Variants in SBF2 observed in about 807,000 individuals in gnomAD.
The protein encoded by SBF2 is myotubularin-related protein 13.
Under a neutral mutation model 225.2 loss-of-function variants are expected in SBF2, and 112 were observed. The observed-to-expected ratio is 0.50, with a 90% CI of 0.43 to 0.58. SBF2 has a LOEUF of 0.58. Among genes scored for constraint, SBF2 ranks in the 20% least tolerant of loss-of-function variants. The pLI, the probability that SBF2 is intolerant of heterozygous loss-of-function variation, is 0.00. For missense variants in SBF2, 1,996 were observed against 2,206.2 expected (o/e 0.90, Z 1.91); for synonymous variants, 763 against 773.3 (o/e 0.99, Z 0.22).
In SBF2 at chr11:9,822,493, C is replaced by CACG. The variant is rs1253511220; in HGVS notation, c.3794-5472_3794-5470dup. ...GCCAGGATGGTCTCGATCTCCTGAC[C>CACG]ACGTGATCCGCCCGCCTCGGCCTCC... On this transcript the variant is annotated intron_variant, in intron 28 of 39. Coordinates refer to ENST00000256190, the MANE Select transcript of SBF2 (RefSeq NM_030962.4). 4.6e-5 allele frequency among the ~76,000 whole-genome samples: 7 copies of CACG among 152,222 alleles called. No individual in the cohort carries two copies. In the East Asian group the frequency reaches 1.4e-3, roughly 30 times the overall value.
chr11:10,032,291 A>AT (rs1297256825), intron 3 of SBF2, among the ~76,000 whole-genome samples: 1 of 152,052 alleles, frequency 6.6e-6, no homozygotes, highest in African/African-American at 2.4e-5. Context: ...CTGTCAACAA[A>AT]CCCTGATTTC....
intron 2 of SBF2, among the ~76,000 whole-genome samples, chr11:10,105,815 C>G (rs985799977): frequency 6.6e-6 from 1 of 152,126 alleles, no homozygotes; most frequent in African/African-American, 2.4e-5. Context: ...GATTCTATAG[C>G]TATATCAAAC....
chr11:9,825,750 C>T (rs151201240), intron 28 of SBF2, among the ~76,000 whole-genome samples: 15 of 152,214 alleles, frequency 9.9e-5, no homozygotes, highest in African/African-American at 1.7e-4. Context: ...AGCACTGATT[C>T]GTATAATAAG....
intron 29 of SBF2, among the ~76,000 whole-genome samples, chr11:9,814,663 G>A (rs540592420): frequency 1.3e-5 from 2 of 152,256 alleles, no homozygotes; most frequent in South Asian, 2.1e-4. Flanking sequence ...TAAGGCTTCA[G>A]ATAAATAACC....
chr11:9,855,521 TAAG>T (rs1274437964), intron 19 of SBF2, among the ~76,000 whole-genome samples: 1 of 152,196 alleles, frequency 6.6e-6, no homozygotes, highest in Non-Finnish European at 1.5e-5. Flanking sequence ...ACTGAAGCTC[TAAG>T]GATAGAATTT....
At chr11:9,984,113 T>C (rs1465041829) in intron 13 of SBF2, among the ~76,000 whole-genome samples, 2 of 152,170 alleles carry the variant, frequency 1.3e-5, no homozygotes, top group Non-Finnish European at 2.9e-5. Context: ...CTCAGGAGGT[T>C]AGTTACTAAG....
chr11:9,979,541 C>T (rs2134426557), intron 13 of SBF2, among the ~76,000 whole-genome samples: 1 of 152,238 alleles, frequency 6.6e-6, no homozygotes, highest in South Asian at 2.1e-4. Flanking sequence ...TTTTAGTATA[C>T]TAATCAGGAA....
intron 1 of SBF2, among the ~76,000 whole-genome samples, chr11:10,245,133 CAAAAA>C (rs60827616): frequency 2.2e-5 from 2 of 92,528 alleles, no homozygotes; most frequent in African/African-American, 4.2e-5. Context: ...GACCCTGTCT[CAAAAA>C]AAAAAAAAAA....
At chr11:10,086,703 C>T (rs929539035) in intron 2 of SBF2, among the ~76,000 whole-genome samples, 1 of 152,164 alleles carries the variant, frequency 6.6e-6, no homozygotes, top group Admixed American at 6.5e-5. Flanking sequence ...GTTGAGGACA[C>T]TGCAGAGATA....
chr11:10,094,519 T>A (rs1026218266), intron 2 of SBF2, among the ~76,000 whole-genome samples: 7 of 146,910 alleles, frequency 4.8e-5, no homozygotes, highest in African/African-American at 1.7e-4. Context: ...CTACTACAAA[T>A]ACACACAGAT....
chr11:9,986,616 A>G (rs1044127827), intron 13 of SBF2, among the ~76,000 whole-genome samples: 5 of 152,160 alleles, frequency 3.3e-5, no homozygotes, highest in African/African-American at 9.7e-5. Flanking sequence ...ACCTGACACC[A>G]CTGAAATACA....
rs1196141167 is a variant in SBF2, at chr11:9,989,610, C to G, written c.1297-15G>C. On this transcript the variant is annotated splice_polypyrimidine_tract_variant and intron_variant, in intron 12 of 39. Transcript: ENST00000256190. ...AAGGCTACCAACTAGGAAAAAGAAT[C>G]AAATGGCAAAACATCAATTCCAAAA... is the stretch of plus-strand genomic sequence containing the variant. The G allele has an allele frequency of 1.4e-6, 2 of 1,454,612 alleles. No homozygotes were observed. The highest frequency in any genetic ancestry group is 2.3e-5 in the East Asian group (1 of 43,994). 90.1% of individuals were successfully genotyped at this position (1,454,612 alleles called of 1,614,324 possible).
At chr11:9,839,767 G>C in intron 25 of SBF2, 71 bp from the exon 26 acceptor site, 1 of 1,418,102 alleles carries the variant, frequency 7.1e-7, no homozygotes, top group Non-Finnish European at 1.0e-6. Flanking sequence ...GGTAGTACCT[G>C]TGGGGAGCTC....
intron 1 of SBF2, among the ~76,000 whole-genome samples, chr11:10,277,321 C>T (rs1359597567): frequency 6.6e-6 from 1 of 152,042 alleles, no homozygotes; most frequent in Non-Finnish European, 1.5e-5. Flanking sequence ...TTTTCTACAG[C>T]TTATTTTTCA....
chr11:10,173,984 G>C (rs1956338872), intron 2 of SBF2, among the ~76,000 whole-genome samples: 1 of 151,920 alleles, frequency 6.6e-6, no homozygotes, highest in Non-Finnish European at 1.5e-5. Flanking sequence ...CAAACAGAAA[G>C]GACATCCACG....
chr11:10,219,729 C>A (rs1958272553), intron 1 of SBF2, among the ~76,000 whole-genome samples: 1 of 152,178 alleles, frequency 6.6e-6, no homozygotes, highest in African/African-American at 2.4e-5. Flanking sequence ...ACCTCTAGGG[C>A]ACGGGCAAAA....
At chr11:10,192,418 A>C (rs1206429439) in intron 2 of SBF2, among the ~76,000 whole-genome samples, 2 of 152,226 alleles carry the variant, frequency 1.3e-5, no homozygotes, top group Non-Finnish European at 2.9e-5. Flanking sequence ...AGCTACGACG[A>C]GAAAATTTAC....
intron 16 of SBF2, among the ~76,000 whole-genome samples, chr11:9,941,431 A>G (rs72855633): frequency 0.11 from 16,453 of 152,308 alleles, 1,018 homozygotes; most frequent in East Asian, 0.3. Flanking sequence ...TCACTCTAAC[A>G]TAAAGTGTTT....
At chr11:9,921,297 C>T (rs1043981222) in intron 16 of SBF2, among the ~76,000 whole-genome samples, 5 of 152,052 alleles carry the variant, frequency 3.3e-5, no homozygotes, top group Non-Finnish European at 5.9e-5. Context: ...CTCCTACTCC[C>T]GACCTCAGGT....
Sources: gnomAD v4.1 joint callset for allele counts (sites outside exome capture counted in the v4.1 genomes callset) on GRCh38, gnomAD v4.1.1 for gene constraint, MANE v1.5 for transcripts, NCBI Gene and HGNC (gene_info 2026-07-23, HGNC 2026-07-21) for gene names.